The following MC2R variants were observed in gnomAD, a reference collection of about 807,000 sequenced individuals.
The protein encoded by MC2R is melanocortin 2 receptor, also known as adrenocorticotropic hormone receptor.
A neutral mutation model predicts 9.8 loss-of-function variants in MC2R; 9 were observed. The ratio of observed to expected loss-of-function variants is 0.92; its 90% CI spans 0.55 to 1.60. The LOEUF is 1.60. Among genes scored for constraint, MC2R ranks in the 40% most tolerant of loss-of-function variants. The pLI, the probability that MC2R is intolerant of heterozygous loss-of-function variation, is 0.00. For missense variants in MC2R, 370 were observed against 389.0 expected (o/e 0.95, Z 0.41); for synonymous variants, 185 against 154.7 (o/e 1.20, Z -1.45).
In MC2R at chr18:13,885,391, A is replaced by C; in HGVS notation, c.128T>G (p.Leu43Arg). 1 of 1,614,162 alleles carries C rather than the reference A, an allele frequency of 6.2e-7. No homozygotes were observed. Among genetic ancestry groups the C allele is most frequent in the African/African-American group, 1.3e-5 (1 of 75,056 alleles). The change falls in exon 2 of 2, where the codon CTG becomes CGG. Residue 43 changes from leucine (L) to arginine (R), a missense_variant. Leu to Arg is a moderately radical substitution (Grantham distance 102). Coordinates refer to ENST00000327606, the MANE Select transcript of MC2R (RefSeq NM_000529.2). ...CTTGAACACAGCCAGCAGGACGATC[A>C]GATTCTCCAAAACTCCAACAATGGA... ...TISIVGVLEN[L>R]IVLLAVFKNK...
At position 13,885,282 on chromosome 18, in the gene MC2R, C is replaced by G. The variant is rs1286432797; in HGVS notation, c.237G>C (p.Leu79Phe). 3.1e-6 allele frequency: 5 copies of G among 1,614,128 alleles called. No individual in the cohort carries two copies. Among genetic ancestry groups the G allele is most frequent in the African/African-American group, 1.3e-5 (1 of 75,024 alleles). ...TTCTCAATATGATCAGGATATTTTC[C>G]AAGATCTTATATAGGCTGCCCAGCA... ...SDMLGSLYKI[L>F]ENILIILRNM... The change falls in exon 2 of 2, where the codon TTG becomes TTC. Residue 79 changes from leucine to phenylalanine, a missense_variant. Physicochemically the swap from Leu to Phe is conservative, Grantham distance 22. Transcript: ENST00000327606.
At position 13,884,947 on chromosome 18, in the gene MC2R, C is replaced by T; in HGVS notation, c.572G>A (p.Cys191Tyr). 6.2e-7 allele frequency: 1 copy of T among 1,614,010 alleles called. No individual in the cohort carries two copies. Among genetic ancestry groups the T allele is most frequent in the African/African-American group, 1.3e-5 (1 of 74,976 alleles). The change falls in exon 2 of 2, where the codon TGC (cysteine) becomes TAC (tyrosine). Residue 191 changes from cysteine (C) to tyrosine (Y), a missense_variant. Physicochemically the swap from Cys to Tyr is radical, Grantham distance 194. Transcript: ENST00000327606. Reference sequence around the variant, plus strand: ...CAGCAGGAACATGTGCACATAGAGGCACAGGATGAAGACCAGCATCAGCGG... The same window carrying T: ...CAGCAGGAACATGTGCACATAGAGGTACAGGATGAAGACCAGCATCAGCGG... Reference protein sequence around the residue: ...LFPLMLVFILCLYVHMFLLAR... With the variant: ...LFPLMLVFILYLYVHMFLLAR...
At chr18:13,894,839 T>C (rs1246165244) in intron 1 of MC2R, among the ~76,000 whole-genome samples, 4 of 152,230 alleles carry the variant, frequency 2.6e-5, no homozygotes, top group Non-Finnish European at 4.4e-5. Context: ...AATCATATAT[T>C]TGTTTAAGCC....
chr18:13,889,498 A>G (rs753494977), intron 1 of MC2R, among the ~76,000 whole-genome samples: 2 of 152,278 alleles, frequency 1.3e-5, no homozygotes, highest in Non-Finnish European at 2.9e-5. Flanking sequence ...GGAAAAGCAA[A>G]ACCGACTTTT....
intron 1 of MC2R, among the ~76,000 whole-genome samples, chr18:13,902,591 G>A (rs1478627908): frequency 4.6e-5 from 7 of 152,028 alleles, no homozygotes; most frequent in African/African-American, 1.4e-4. Context: ...TGCAATGGGG[G>A]ATAGACAATC....
intron 1 of MC2R, among the ~76,000 whole-genome samples, chr18:13,912,571 A>G (rs1188454769): frequency 6.6e-6 from 1 of 152,210 alleles, no homozygotes; most frequent in Non-Finnish European, 1.5e-5. Flanking sequence ...AAATAACAAC[A>G]TAGCACCATA....
At chr18:13,915,133 T>C (rs776699069) in intron 1 of MC2R, among the ~76,000 whole-genome samples, 2 of 152,188 alleles carry the variant, frequency 1.3e-5, no homozygotes, top group Non-Finnish European at 2.9e-5. Flanking sequence ...GTGAAGGGGC[T>C]AACTCCAGAA....
At chr18:13,904,184 C>T (rs1169373636) in intron 1 of MC2R, among the ~76,000 whole-genome samples, 1 of 150,104 alleles carries the variant, frequency 6.7e-6, no homozygotes, top group Admixed American at 6.7e-5. Flanking sequence ...ACCATCCTGG[C>T]TAACATGGTG....
At chr18:13,911,016 A>G (rs905919224) in intron 1 of MC2R, among the ~76,000 whole-genome samples, 11 of 152,258 alleles carry the variant, frequency 7.2e-5, no homozygotes, top group African/African-American at 9.6e-5. Flanking sequence ...ACTTAATCCC[A>G]TGATTTATGA....
At chr18:13,901,524 T>C (rs1286048005) in intron 1 of MC2R, among the ~76,000 whole-genome samples, 15 of 151,600 alleles carry the variant, frequency 9.9e-5, no homozygotes, top group Admixed American at 9.9e-4. Context: ...AGAGAGAAGA[T>C]ATAAATAAAT....
intron 1 of MC2R, among the ~76,000 whole-genome samples, chr18:13,912,160 T>C (rs1339029474): frequency 1.3e-5 from 2 of 152,248 alleles, no homozygotes; most frequent in South Asian, 4.1e-4. Context: ...AATTCTGCAC[T>C]TTAAGGGCAA....
At chr18:13,889,823 C>T (rs1017173219) in intron 1 of MC2R, among the ~76,000 whole-genome samples, 2 of 152,110 alleles carry the variant, frequency 1.3e-5, no homozygotes, top group African/African-American at 4.8e-5. Context: ...TCATTTTAAT[C>T]CTCTTGTTGA....
rs1414107229 is a variant in MC2R at position 13,882,085 on chromosome 18, C to T, written c.*2540G>A. The T allele has an allele frequency of 6.6e-6, 1 of 152,240 alleles. No homozygotes were observed. Among genetic ancestry groups the T allele is most frequent in the East Asian group, 1.9e-4 (1 of 5,202 alleles). 9.4% of individuals were successfully genotyped at this position (152,240 alleles called of 1,614,324 possible). The stretch of plus-strand genomic sequence containing the variant: ...ATTAGACAGGGCTCAGAATTACTAT[C>T]AGCTTGAGTACACATCCTGAACATT... On this transcript the variant is annotated 3_prime_UTR_variant, in exon 2 of 2. Transcript: ENST00000327606.
chr18:13,906,068 A>G (rs1347193267), intron 1 of MC2R, among the ~76,000 whole-genome samples: 2 of 152,102 alleles, frequency 1.3e-5, no homozygotes, highest in Non-Finnish European at 2.9e-5. Flanking sequence ...GTAAGACCCC[A>G]TCTCAAAAAA....
At chr18:13,888,726 G>C (rs2045294065) in intron 1 of MC2R, among the ~76,000 whole-genome samples, 1 of 152,198 alleles carries the variant, frequency 6.6e-6, no homozygotes, top group African/African-American at 2.4e-5. Context: ...GCATTGCTAT[G>C]CTCCTGTTGT....
Position 13,882,274 on chromosome 18 carries a change from C to T in MC2R, c.*2351G>A, listed in dbSNP as rs533280862. On this transcript the variant is annotated 3_prime_UTR_variant, in exon 2 of 2. Transcript: ENST00000327606. Reference sequence around the variant, plus strand: ...CACAAATATGTGCAGTTTGGTGGTGCTTTCATTTGGAATTCTATATGAAGT... The same window carrying T: ...CACAAATATGTGCAGTTTGGTGGTGTTTTCATTTGGAATTCTATATGAAGT... 6.6e-6 allele frequency: 1 copy of T among 152,294 alleles called. No individual in the cohort carries two copies. The highest frequency in any genetic ancestry group is 2.1e-4 in the South Asian group (1 of 4,828). The allele number at this position is 152,294 out of a possible 1,614,324, so 9.4% of individuals were successfully genotyped here.
At chr18:13,915,238 A>AG (rs1484787444) in intron 1 of MC2R, among the ~76,000 whole-genome samples, 66 of 152,376 alleles carry the variant, frequency 4.3e-4, no homozygotes, top group African/African-American at 1.6e-3. Flanking sequence ...TTTGAAGAGT[A>AG]CTAGAGAAGC....
rs1303236266 is a variant in MC2R at position 13,889,695 on chromosome 18, A to AAT, written c.-128-4051_-128-4050dup. On this transcript the variant is annotated intron_variant, in intron 1 of 1. Coordinates refer to ENST00000327606, the MANE Select transcript of MC2R (RefSeq NM_000529.2). ...TTGATCATCATCTTTGACCAAAAAA[A>AAT]ATATATATAGTTTTTATATTTTTTA... Among the ~76,000 whole-genome samples, 8 of 152,128 alleles carry AAT rather than the reference A, an allele frequency of 5.3e-5. No homozygotes were observed. In the East Asian group the frequency reaches 7.7e-4, roughly 15 times the overall value.
rs752791815 is a variant in MC2R, at chr18:13,885,374, C to T, written c.145G>A (p.Val49Met). 4 of 1,614,178 alleles carry T rather than the reference C, an allele frequency of 2.5e-6. No homozygotes were observed. The highest frequency in any genetic ancestry group is 4.5e-5 in the East Asian group (2 of 44,884). ...VLENLIVLLA[V>M]FKNKNLQAPM... The stretch of plus-strand genomic sequence containing the variant: ...GCCTGGAGATTCTTATTCTTGAACA[C>T]AGCCAGCAGGACGATCAGATTCTCC... Residue 49 changes from valine (V) to methionine (M), a missense_variant, in exon 2 of 2, where the codon GTG becomes ATG. Coordinates refer to ENST00000327606, the MANE Select transcript of MC2R (RefSeq NM_000529.2).
Sources: gnomAD v4.1 joint callset for allele counts (sites outside exome capture counted in the v4.1 genomes callset) on GRCh38, gnomAD v4.1.1 for gene constraint, MANE v1.5 for transcripts, NCBI Gene and HGNC (gene_info 2026-07-23, HGNC 2026-07-21) for gene names.